ZNF730: variants seen among roughly 807,000 people sequenced by gnomAD.
The protein encoded by ZNF730 is putative zinc finger protein 730.
A neutral mutation model predicts 12.6 loss-of-function variants in ZNF730; 12 were observed. The observed-to-expected ratio is 0.95, with a 90% confidence interval of 0.61 to 1.54. The LOEUF (loss-of-function observed/expected upper bound fraction) is 1.54, where lower values mean the gene tolerates loss of function less well. Among genes scored for constraint, ZNF730 ranks in the 40% most tolerant of loss-of-function variants. ZNF730 has a pLI of 0.00. For synonymous variants in ZNF730, 194 were observed against 195.8 expected, an observed-to-expected ratio of 0.99 and a Z score of 0.08; for missense variants, 643 against 583.5, an observed-to-expected ratio of 1.10 and a Z score of -1.05.
intron 1 of ZNF730, among the ~76,000 whole-genome samples, chr19:23,088,006 C>A (rs1160894967): frequency 1.3e-5 from 2 of 151,652 alleles, no homozygotes; most frequent in African/African-American, 4.8e-5. Flanking sequence ...GCATCCTTGT[C>A]TAGTTTTAGT....
chr19:23,143,076 C>G (rs1420493822), intron 3 of ZNF730, among the ~76,000 whole-genome samples: 3 of 151,978 alleles, frequency 2.0e-5, no homozygotes, highest in Non-Finnish European at 4.4e-5. Flanking sequence ...AACCCTGTCT[C>G]TACTAAAAAC....
intron 1 of ZNF730, among the ~76,000 whole-genome samples, chr19:23,093,646 G>A (rs1330576125): frequency 6.6e-6 from 1 of 152,150 alleles, no homozygotes; most frequent in Non-Finnish European, 1.5e-5. Context: ...GGCCCAGCAG[G>A]CTCCATCCCA....
upstream of ZNF730, among the ~76,000 whole-genome samples, chr19:23,112,436 AAGGC>A (rs1374744903): frequency 5.3e-5 from 8 of 152,154 alleles, no homozygotes; most frequent in African/African-American, 1.7e-4. Flanking sequence ...TAAAAAATGA[AAGGC>A]AGGCCAGGCA....
At chr19:23,115,917 A>T (rs1970513015), upstream of ZNF730, among the ~76,000 whole-genome samples, 1 of 152,242 alleles carries the variant, frequency 6.6e-6, no homozygotes, top group South Asian at 2.1e-4. Flanking sequence ...ATTTAATGAC[A>T]GGTTGATTAC....
chr19:23,111,985 A>ATGAAGAAAGCCTTAAGG (rs540760292), intron 1 of ZNF730, among the ~76,000 whole-genome samples: 8,119 of 115,648 alleles, frequency 0.07, 234 homozygotes, highest in Middle Eastern at 0.12. Flanking sequence ...GACAAAGCAT[A>ATGAAGAAAGCCTTAAGG]TGAAGAAAGC....
At chr19:23,084,230 G>A (rs1289159076) in intron 1 of ZNF730, among the ~76,000 whole-genome samples, 1 of 152,020 alleles carries the variant, frequency 6.6e-6, no homozygotes, top group Admixed American at 6.6e-5. Context: ...TTGGCTTTAG[G>A]TGCATAGATT....
chr19:23,084,835 A>G (rs902929393), intron 1 of ZNF730, among the ~76,000 whole-genome samples: 2 of 152,128 alleles, frequency 1.3e-5, no homozygotes, highest in Non-Finnish European at 2.9e-5. Flanking sequence ...GTGTATATGT[A>G]CCACATTTTT....
chr19:23,093,843 G>A (rs1037522550), intron 1 of ZNF730, among the ~76,000 whole-genome samples: 1 of 152,248 alleles, frequency 6.6e-6, no homozygotes, highest in Non-Finnish European at 1.5e-5. Flanking sequence ...AGATACCAGA[G>A]GAACAGCTTC....
intron 1 of ZNF730, among the ~76,000 whole-genome samples, chr19:23,077,150 A>G (rs1837722270): frequency 6.6e-6 from 1 of 152,196 alleles, no homozygotes; most frequent in South Asian, 2.1e-4. Flanking sequence ...ACACATGGAC[A>G]CAGAGGGGAA....
rs538715181 is a variant in ZNF730 at position 23,077,953 on chromosome 19, A to G, written c.-94+2566A>G. On this transcript the variant is annotated intron_variant, in intron 1 of 2. Transcript: ENST00000593635. ...AGGGCTATGCAGGATGTGCTTTGTT[A>G]AACAAGTGCTTAAAGGCAGTATGCT... Among the ~76,000 whole-genome samples the G allele has an allele frequency of 5.3e-5, 8 of 152,282 alleles. No homozygotes were observed. The East Asian group carries it at 1.5e-3, about 29-fold the overall frequency.
intron 1 of ZNF730, 110 bp downstream of exon 1, chr19:23,117,286 G>C: frequency 6.3e-7 from 1 of 1,587,116 alleles, no homozygotes; most frequent in Non-Finnish European, 8.6e-7. Context: ...CACAATCTGC[G>C]CCCAGAGTTC....
chr19:23,095,280 C>T (rs1448674358), intron 1 of ZNF730: 3 of 397,868 alleles, frequency 7.5e-6, no homozygotes, highest in Non-Finnish European at 1.3e-5. Flanking sequence ...TGTGTAATAT[C>T]GTTGGGCCTC....
At chr19:23,093,952 G>C (rs1970200821) in intron 1 of ZNF730, among the ~76,000 whole-genome samples, 1 of 152,214 alleles carries the variant, frequency 6.6e-6, no homozygotes, top group African/African-American at 2.4e-5. Context: ...TGTTTGCCAA[G>C]AGTGTAGGAC....
chr19:23,085,508 T>TGTC (rs1314499944), intron 1 of ZNF730, among the ~76,000 whole-genome samples: 7 of 132,790 alleles, frequency 5.3e-5, no homozygotes, highest in Non-Finnish European at 1.1e-4. Flanking sequence ...TTTTTTTTTT[T>TGTC]TTTTTTTTTT....
upstream of ZNF730, among the ~76,000 whole-genome samples, chr19:23,116,187 G>C (rs182661463): frequency 1.3e-5 from 2 of 152,276 alleles, no homozygotes; most frequent in Admixed American, 1.3e-4. Context: ...ACTGTGGACA[G>C]ATCTGAAGAC....
chr19:23,091,915 G>T (rs1970165868), intron 1 of ZNF730, among the ~76,000 whole-genome samples: 1 of 152,134 alleles, frequency 6.6e-6, no homozygotes, highest in African/African-American at 2.4e-5. Flanking sequence ...TTTGAAATGT[G>T]AGGACATGAG....
At chr19:23,131,801 T>A (rs996863966) in intron 1 of ZNF730, among the ~76,000 whole-genome samples, 1 of 152,194 alleles carries the variant, frequency 6.6e-6, no homozygotes, top group Non-Finnish European at 1.5e-5. Flanking sequence ...TACCAAGTGA[T>A]TTATAAGCTG....
Position 23,146,814 on chromosome 19 carries a change from G to A in ZNF730, c.*258G>A, listed in dbSNP as rs1032112366. Reference sequence around the variant, plus strand: ...TACTGGAGAGAAACCCTACAAGTGTGAAGAATGTGACAAAGCCTTTAACAA... The same window carrying A: ...TACTGGAGAGAAACCCTACAAGTGTAAAGAATGTGACAAAGCCTTTAACAA... On this transcript the variant is annotated 3_prime_UTR_variant, in exon 4 of 4. Coordinates refer to ENST00000597761, the MANE Select transcript of ZNF730 (RefSeq NM_001277403.2). The A allele has an allele frequency of 1.6e-5, 14 of 882,048 alleles. No individual in the cohort carries two copies. Among genetic ancestry groups the A allele is most frequent in the South Asian group, 1.2e-4 (9 of 74,268 alleles). The allele number at this position is 882,048 out of a possible 1,614,324, so 54.6% of individuals were successfully genotyped here. A position where few individuals can be genotyped will look rare whatever the true frequency, so the allele number is the denominator to read the frequency against.
At chr19:23,118,366 G>GTTTTTTTTTTTTTTTTTTTTTTTT (rs3841327) in intron 1 of ZNF730, among the ~76,000 whole-genome samples, 1 of 139,468 alleles carries the variant, frequency 7.2e-6, no homozygotes, top group Non-Finnish European at 1.6e-5. Flanking sequence ...TTTGTTTTTT[G>GTTTTTTTTTTTTTTTTTTTTTTTT]TTTTTTTTTT....
Sources: gnomAD v4.1 joint callset for allele counts (sites outside exome capture counted in the v4.1 genomes callset) on GRCh38, gnomAD v4.1.1 for gene constraint, MANE v1.5 for transcripts, NCBI Gene and HGNC (gene_info 2026-07-23, HGNC 2026-07-21) for gene names.